The following MTFMT variants were observed in gnomAD, a reference collection of about 807,000 sequenced individuals.
The protein encoded by MTFMT is mitochondrial methionyl-tRNA formyltransferase.
In MTFMT, 47 loss-of-function variants were observed where a neutral mutation model predicts 51.8. The observed-to-expected ratio is 0.91, with a 90% CI of 0.72 to 1.16. MTFMT has a LOEUF of 1.16. MTFMT is among the 50% of genes most tolerant of loss of function. The pLI is 0.00. For synonymous variants in MTFMT, 196 were observed against 176.7 expected (o/e 1.11, Z -0.87); for missense variants, 512 against 482.3 (o/e 1.06, Z -0.58).
intron 2 of MTFMT, among the ~76,000 whole-genome samples, chr15:65,025,230 T>TAAAA (rs776662139): frequency 5.4e-5 from 5 of 92,502 alleles, no homozygotes; most frequent in African/African-American, 1.3e-4. Context: ...TCCCTGTCTC[T>TAAAA]AAAAAAAAAA....
At chr15:65,016,948 TTTTTTGTA>T (rs2086328856) in intron 5 of MTFMT, among the ~76,000 whole-genome samples, 1 of 151,794 alleles carries the variant, frequency 6.6e-6, no homozygotes, top group Admixed American at 6.6e-5. Context: ...GCCTGGCTAA[TTTTTTGTA>T]TTTTTAGTAG....
intron 6 of MTFMT, among the ~76,000 whole-genome samples, 164 bp from the exon 7 acceptor site, chr15:65,006,355 A>C (rs1291670376): frequency 1.3e-5 from 2 of 151,164 alleles, no homozygotes; most frequent in Non-Finnish European, 2.9e-5. Context: ...TCTCTACATC[A>C]GTGTTTCCAG....
chr15:65,001,959 T>A lies in MTFMT; in HGVS notation c.*1103A>T, dbSNP rs1319134288. On this transcript the variant is annotated 3_prime_UTR_variant, in exon 9 of 9. Transcript: ENST00000220058. ...GAGATTATTAAATATTACCTACGTT[T>A]ACTACTTGGTTAAATCTAGCTGGTA... The A allele has an allele frequency of 6.6e-6, 1 of 152,214 alleles. No homozygotes were observed. Among genetic ancestry groups the A allele is most frequent in the Non-Finnish European group, 1.5e-5 (1 of 68,038 alleles). 9.4% of individuals were successfully genotyped at this position (152,214 alleles called of 1,614,324 possible).
At chr15:65,004,351 A>G (rs1380488162) in intron 8 of MTFMT, among the ~76,000 whole-genome samples, 5 of 152,092 alleles carry the variant, frequency 3.3e-5, no homozygotes, top group South Asian at 2.1e-4. Flanking sequence ...TCACATGAAC[A>G]CCATATGATG....
intron 6 of MTFMT, among the ~76,000 whole-genome samples, chr15:65,008,761 C>A (rs1324970611): frequency 6.6e-6 from 1 of 152,162 alleles, no homozygotes; most frequent in Non-Finnish European, 1.5e-5. Flanking sequence ...TTTTCTTTTG[C>A]CCGCTTCAAT....
chr15:65,003,844 T>TGAAAAAAAAAAAAA (rs1566938559), intron 8 of MTFMT, among the ~76,000 whole-genome samples: 1 of 4,460 alleles, frequency 2.2e-4, no homozygotes, highest in South Asian at 8.3e-3. Flanking sequence ...CAACTCCATC[T>TGAAAAAAAAAAAAA]CAAAAAAAAA....
intron 6 of MTFMT, among the ~76,000 whole-genome samples, chr15:65,012,674 A>G (rs954225755): frequency 3.9e-5 from 6 of 152,220 alleles, no homozygotes; most frequent in African/African-American, 1.4e-4. Context: ...TGCTGGGACT[A>G]CAGGCATAAG....
In MTFMT at chr15:65,023,665, G is replaced by A. The variant is rs2086394532; in HGVS notation, c.542+7C>T. 3 of 1,612,338 alleles carry A rather than the reference G, an allele frequency of 1.9e-6. No homozygotes were observed. Among genetic ancestry groups the A allele is most frequent in the Non-Finnish European group, 1.7e-6 (2 of 1,178,984 alleles). ...CAAAAATCTCAAGAAAGGAAAATAT[G>A]TGCTACCTTTTAGGTCTAATTTGCA... On this transcript the variant is annotated splice_region_variant and intron_variant, in intron 3 of 8. Transcript: ENST00000220058.
chr15:65,020,894 T>G (rs2086368490), intron 4 of MTFMT, among the ~76,000 whole-genome samples: 1 of 152,238 alleles, frequency 6.6e-6, no homozygotes, highest in Non-Finnish European at 1.5e-5. Flanking sequence ...CAGTCACTAT[T>G]ATAAGATCAT....
rs2086185999 is a variant in MTFMT, at chr15:65,002,730, TGAG to T, written c.*329_*331del. ...CTGTAATCATAGCACTTTGGGAGGCTGAGGTGGGCAGATCACAAGGTCAGGAGT... is the reference window on the plus strand; with the variant it reads ...CTGTAATCATAGCACTTTGGGAGGCTGTGGGCAGATCACAAGGTCAGGAGT... On this transcript the variant is annotated 3_prime_UTR_variant, in exon 9 of 9. Transcript: ENST00000220058. The T allele has an allele frequency of 6.3e-6, 1 of 157,518 alleles. No individual in the cohort carries two copies. Among genetic ancestry groups the T allele is most frequent in the African/African-American group, 2.4e-5 (1 of 41,548 alleles). The allele number at this position is 157,518 out of a possible 1,614,324, so 9.8% of individuals were successfully genotyped here.
chr15:65,005,621 T>A (rs2140473731), intron 7 of MTFMT, among the ~76,000 whole-genome samples: 1 of 151,738 alleles, frequency 6.6e-6, no homozygotes, highest in Admixed American at 6.6e-5. Flanking sequence ...TTTTTTTTTT[T>A]TTTTTTGAAA....
intron 3 of MTFMT, among the ~76,000 whole-genome samples, chr15:65,023,394 C>G (rs1049723469): frequency 6.6e-6 from 1 of 152,134 alleles, no homozygotes; most frequent in Non-Finnish European, 1.5e-5. Flanking sequence ...CTCATTTATA[C>G]AATGTATTTT....
chr15:65,001,682 T>C lies in MTFMT; in HGVS notation c.*1380A>G, dbSNP rs1440071930. 1 of 152,092 alleles carries C rather than the reference T, an allele frequency of 6.6e-6. No homozygotes were observed. Among genetic ancestry groups the C allele is most frequent in the Non-Finnish European group, 1.5e-5 (1 of 68,026 alleles). 9.4% of individuals were successfully genotyped at this position (152,092 alleles called of 1,614,324 possible). The stretch of plus-strand genomic sequence containing the variant: ...TTCAAGACCAGCCTAAGCAACATAG[T>C]GAGACCCCTATCTCTACAAAATTTT... On this transcript the variant is annotated 3_prime_UTR_variant, in exon 9 of 9. Coordinates refer to ENST00000220058, the MANE Select transcript of MTFMT (RefSeq NM_139242.4).
At chr15:65,017,653 C>A (rs545375535) in intron 5 of MTFMT, among the ~76,000 whole-genome samples, 225 of 152,196 alleles carry the variant, frequency 1.5e-3, no homozygotes, top group Non-Finnish European at 2.5e-3. Context: ...AAAAAATTAG[C>A]CAGGCATGGT....
At chr15:65,016,274 T>G in intron 6 of MTFMT, 162 bp downstream of exon 6, 1 of 514,874 alleles carries the variant, frequency 1.9e-6, no homozygotes, top group South Asian at 2.8e-5. Flanking sequence ...CTTAAAGAAT[T>G]TTTAAGAATA....
chr15:65,026,674 TG>T (rs2086426989), intron 2 of MTFMT, 156 bp downstream of exon 2: 1 of 673,716 alleles, frequency 1.5e-6, no homozygotes, highest in African/African-American at 1.8e-5. Context: ...AGAAATTCAT[TG>T]ACTTTAAGCA....
intron 6 of MTFMT, among the ~76,000 whole-genome samples, chr15:65,008,105 T>G (rs963738953): frequency 2.6e-4 from 40 of 152,332 alleles, no homozygotes; most frequent in African/African-American, 9.6e-4. Flanking sequence ...CCATCTATAT[T>G]TTGATTTTTT....
At chr15:65,013,907 C>T (rs1168253513) in intron 6 of MTFMT, among the ~76,000 whole-genome samples, 1 of 151,352 alleles carries the variant, frequency 6.6e-6, no homozygotes, top group African/African-American at 2.4e-5. Context: ...TGCACAGTTG[C>T]GCTCCAGCCT....
At chr15:65,022,840 G>A (rs1595892255) in intron 3 of MTFMT, among the ~76,000 whole-genome samples, 2 of 151,810 alleles carry the variant, frequency 1.3e-5, no homozygotes, top group African/African-American at 4.8e-5. Context: ...CTGAGTAGCT[G>A]GGACTACAGG....
Sources: allele counts gnomAD v4.1 joint callset (sites outside exome capture counted in the v4.1 genomes callset), GRCh38; gene constraint gnomAD v4.1.1; transcripts MANE v1.5; gene names NCBI Gene and HGNC (gene_info 2026-07-23, HGNC 2026-07-21).